Variants in APBB2 observed in about 807,000 individuals in gnomAD.
APBB2 encodes Fe65-like 1.
APBB2 carries 38 observed loss-of-function variants against 82.5 expected under a neutral mutation model. The observed-to-expected ratio is 0.46, with a 90% confidence interval of 0.36 to 0.60. The LOEUF is 0.60. APBB2 is among the 20% of genes least tolerant of loss of function. APBB2 has a pLI of 0.00. For missense variants in APBB2, 772 were observed against 972.3 expected (o/e 0.79, Z 2.74); for synonymous variants, 341 against 368.2 (o/e 0.93, Z 0.85).
intron 5 of APBB2, among the ~76,000 whole-genome samples, chr4:41,028,714 C>T (rs1006697637): frequency 6.6e-6 from 1 of 151,448 alleles, no homozygotes. Flanking sequence ...CTCGTTAATA[C>T]ACAAAGTATT....
chr4:41,120,285 T>C (rs1486624128), intron 2 of APBB2, among the ~76,000 whole-genome samples: 1 of 152,172 alleles, frequency 6.6e-6, no homozygotes, highest in East Asian at 1.9e-4. Flanking sequence ...TCCAATCTCC[T>C]GAGCAGAATT....
chr4:40,821,740 C>T (rs1336096419), intron 17 of APBB2, 131 bp downstream of exon 17: 69 of 1,031,260 alleles, frequency 6.7e-5, no homozygotes, highest in Non-Finnish European at 8.6e-5. Context: ...GGAATGACGG[C>T]GTTATAAAGT....
intron 6 of APBB2, among the ~76,000 whole-genome samples, chr4:40,967,761 A>G (rs772410464): frequency 6.6e-6 from 1 of 152,168 alleles, no homozygotes; most frequent in Non-Finnish European, 1.5e-5. Flanking sequence ...TGAGCCCAGC[A>G]GGCCCGAGCA....
Position 40,813,446 on chromosome 4 carries a change from A to C in APBB2, c.*2646T>G, listed in dbSNP as rs930819232. On this transcript the variant is annotated 3_prime_UTR_variant, in exon 18 of 18. Coordinates refer to ENST00000508593, the MANE Select transcript of APBB2 (RefSeq NM_004307.2). Reference sequence around the variant, plus strand: ...CTGAAGTGTCACTAAGATATCAGGTAAAACATTGGCATCCTTTTACAAACA... The same window carrying C: ...CTGAAGTGTCACTAAGATATCAGGTCAAACATTGGCATCCTTTTACAAACA... 2 of 152,232 alleles carry C rather than the reference A, an allele frequency of 1.3e-5. No homozygotes were observed. The highest frequency in any genetic ancestry group is 4.8e-5 in the African/African-American group (2 of 41,470). 9.4% of individuals were successfully genotyped at this position (152,232 alleles called of 1,614,324 possible).
intron 2 of APBB2, among the ~76,000 whole-genome samples, chr4:41,107,624 T>C (rs1023171459): frequency 1.3e-5 from 2 of 151,856 alleles, no homozygotes; most frequent in Admixed American, 6.6e-5. Flanking sequence ...AAACGGAGAG[T>C]TCTGGCAGAC....
chr4:40,998,730 T>C (rs1284164538), intron 6 of APBB2, among the ~76,000 whole-genome samples: 1 of 152,182 alleles, frequency 6.6e-6, no homozygotes, highest in East Asian at 1.9e-4. Flanking sequence ...CATATCTAAA[T>C]TGCCAGCGTC....
intron 12 of APBB2, among the ~76,000 whole-genome samples, chr4:40,849,725 C>CTTTTTA (rs1758709912): frequency 8.1e-6 from 1 of 123,252 alleles, no homozygotes; most frequent in Non-Finnish European, 1.7e-5. Context: ...ACTAAAGTTA[C>CTTTTTA]TTTTTTTTTT....
At chr4:40,979,159 C>A (rs1470338178) in intron 6 of APBB2, among the ~76,000 whole-genome samples, 1 of 152,124 alleles carries the variant, frequency 6.6e-6, no homozygotes, top group Non-Finnish European at 1.5e-5. Context: ...CTTTTTTCTG[C>A]TTAACAACAT....
chr4:40,818,716 A>G (rs1746694433), intron 17 of APBB2, among the ~76,000 whole-genome samples: 1 of 152,160 alleles, frequency 6.6e-6, no homozygotes, highest in African/African-American at 2.4e-5. Flanking sequence ...CAGTTCTTGC[A>G]GGGAGTTAGC....
At chr4:40,931,719 C>T (rs1784266574) in intron 10 of APBB2, among the ~76,000 whole-genome samples, 1 of 152,146 alleles carries the variant, frequency 6.6e-6, no homozygotes, top group African/African-American at 2.4e-5. Flanking sequence ...TTTCATTCTC[C>T]CTAGGCTGAT....
chr4:40,837,357 C>G (rs1027673931), intron 12 of APBB2, among the ~76,000 whole-genome samples: 1 of 152,220 alleles, frequency 6.6e-6, no homozygotes, highest in Non-Finnish European at 1.5e-5. Context: ...GTTAGCACTT[C>G]CGGCTTCCAG....
chr4:41,130,726 C>G (rs1755726804), intron 2 of APBB2, among the ~76,000 whole-genome samples: 1 of 152,136 alleles, frequency 6.6e-6, no homozygotes, highest in Non-Finnish European at 1.5e-5. Flanking sequence ...GGCCAGTCTC[C>G]TCGAGTGCCT....
rs150639093 is a variant in APBB2 at position 40,826,242 on chromosome 4, ATATT to A, written c.1733-276_1733-273del. On this transcript the variant is annotated intron_variant, in intron 14 of 17. Transcript: ENST00000508593. This position sits in a 1 kb window ranked among gnomAD's most constrained non-coding sequence, Gnocchi z 4.5. ...AAAGCTGCTACTGTCTCTTTGATGT[ATATT>A]AAGTAAAGTAGCAGCTTTTGGTGTC... The A allele has an allele frequency of 8.6e-3, 3,541 of 410,238 alleles. 119 individuals are homozygous for A. The highest frequency in any genetic ancestry group is 0.067 in the African/African-American group (3,310 of 49,320). The allele number at this position is 410,238 out of a possible 1,614,324, so 25.4% of individuals were successfully genotyped here.
intron 10 of APBB2, among the ~76,000 whole-genome samples, chr4:40,930,109 T>G (rs1050007875): frequency 2.6e-5 from 4 of 152,040 alleles, no homozygotes; most frequent in Non-Finnish European, 4.4e-5. Flanking sequence ...GTGGAAAAAA[T>G]GAGAAAATGT....
chr4:40,984,238 C>T (rs561782583), intron 6 of APBB2, among the ~76,000 whole-genome samples: 2 of 152,110 alleles, frequency 1.3e-5, no homozygotes, highest in Non-Finnish European at 2.9e-5. Context: ...CCAGGAGCTG[C>T]ACTCCTGGGA....
intron 1 of APBB2, among the ~76,000 whole-genome samples, chr4:41,212,860 C>G (rs1017275562): frequency 2.0e-5 from 3 of 152,160 alleles, no homozygotes; most frequent in Non-Finnish European, 1.5e-5. Context: ...CCATCCTTCA[C>G]GAACGATGCC....
chr4:40,978,095 G>A (rs1797630593), intron 6 of APBB2, among the ~76,000 whole-genome samples: 1 of 152,226 alleles, frequency 6.6e-6, no homozygotes, highest in African/African-American at 2.4e-5. Flanking sequence ...GCCTATGCCT[G>A]GATTGTTTTC....
chr4:41,192,639 G>C (rs1266962850), intron 1 of APBB2, among the ~76,000 whole-genome samples: 4 of 152,126 alleles, frequency 2.6e-5, no homozygotes, highest in Admixed American at 2.0e-4. Context: ...GAATGGAATG[G>C]GGGAGGTGGG....
At chr4:40,955,060 C>G (rs544503907) in intron 6 of APBB2, among the ~76,000 whole-genome samples, 1 of 152,154 alleles carries the variant, frequency 6.6e-6, no homozygotes, top group Admixed American at 6.5e-5. Flanking sequence ...TCTTCTGTAC[C>G]GATGACCTCC....
Sources: gnomAD v4.1 joint callset for allele counts (sites outside exome capture counted in the v4.1 genomes callset) on GRCh38, gnomAD v4.1.1 for gene constraint, Gnocchi (gnomAD v3.1) non-coding constraint, MANE v1.5 for transcripts, NCBI Gene and HGNC (gene_info 2026-07-23, HGNC 2026-07-21) for gene names.